Variants in DLG2 observed in about 807,000 individuals in gnomAD.
The protein encoded by DLG2 is discs large MAGUK scaffold protein 2.
A neutral mutation model predicts 132.5 loss-of-function variants in DLG2; 45 were observed. The ratio of observed to expected loss-of-function variants is 0.34; its 90% CI spans 0.27 to 0.44. The LOEUF (loss-of-function observed/expected upper bound fraction) is 0.44, where lower values mean the gene tolerates loss of function less well. Among genes scored for constraint, DLG2 ranks in the 20% least tolerant of loss-of-function variants. The pLI, the probability that DLG2 is intolerant of heterozygous loss-of-function variation, is 1.00. For synonymous variants in DLG2, 424 were observed against 419.6 expected (o/e 1.01, Z -0.13); for missense variants, 1,045 against 1,196.9 (o/e 0.87, Z 1.87).
chr11:84,568,100 T>C (rs1428439475), intron 6 of DLG2, among the ~76,000 whole-genome samples: 2 of 152,182 alleles, frequency 1.3e-5, no homozygotes, highest in Non-Finnish European at 2.9e-5. Context: ...GGAAATGGCA[T>C]GGCTAGACCA....
At chr11:84,511,779 C>A (rs10898251) in intron 7 of DLG2, among the ~76,000 whole-genome samples, 22,115 of 152,078 alleles carry the variant, frequency 0.15, 1,683 homozygotes, top group South Asian at 0.26. Context: ...GATGATAAAA[C>A]TCATTTGGCA....
At chr11:85,093,974 A>C (rs1029825973) in intron 6 of DLG2, among the ~76,000 whole-genome samples, 24 of 152,250 alleles carry the variant, frequency 1.6e-4, no homozygotes, top group Non-Finnish European at 3.2e-4. Context: ...TAGTTCTGCC[A>C]CCATGATGCA....
At chr11:83,619,965 AAATGAG>A (rs1349434708) in intron 19 of DLG2, among the ~76,000 whole-genome samples, 10 of 152,338 alleles carry the variant, frequency 6.6e-5, no homozygotes, top group African/African-American at 2.4e-4. Context: ...AAGTTAATTT[AAATGAG>A]AATTAGATTT....
In DLG2 at chr11:83,673,339, G is replaced by T. The variant is rs75757271; in HGVS notation, c.1826-40014C>A. Among the ~76,000 whole-genome samples the T allele has an allele frequency of 7.4e-3, 1,125 of 152,198 alleles. 10 individuals are homozygous for T. The highest frequency in any genetic ancestry group is 0.025 in the African/African-American group (1,052 of 41,516). ...ACTTTGTCAATAGGCTAAACATTTT[G>T]ACTGTGTTTTATTGCTTTTTCTAAC... On this transcript the variant is annotated intron_variant, in intron 18 of 27. Coordinates refer to ENST00000376104, the MANE Select transcript of DLG2 (RefSeq NM_001142699.3).
At chr11:85,141,186 C>A (rs1056002179) in intron 5 of DLG2, among the ~76,000 whole-genome samples, 1 of 151,856 alleles carries the variant, frequency 6.6e-6, no homozygotes, top group Non-Finnish European at 1.5e-5. Flanking sequence ...CTCCCATAAA[C>A]AGTGTATGAG....
chr11:83,665,309 G>A (rs2075292195), intron 18 of DLG2, among the ~76,000 whole-genome samples: 4 of 152,122 alleles, frequency 2.6e-5, no homozygotes, highest in Admixed American at 2.6e-4. Flanking sequence ...ACTATGCATG[G>A]GTTGCCTTCT....
chr11:84,407,199 C>T (rs1392717083), intron 7 of DLG2, among the ~76,000 whole-genome samples: 2 of 152,158 alleles, frequency 1.3e-5, no homozygotes, highest in African/African-American at 4.8e-5. Context: ...TCAGGCTCCC[C>T]AAACCTGGAA....
intron 3 of DLG2, among the ~76,000 whole-genome samples, chr11:85,388,878 G>A (rs1291137947): frequency 6.6e-6 from 1 of 152,096 alleles, no homozygotes; most frequent in African/African-American, 2.4e-5. Context: ...TCTTCCTTCT[G>A]ACAAAGTCTA....
intron 6 of DLG2, among the ~76,000 whole-genome samples, chr11:84,926,589 G>A (rs758400716): frequency 1.3e-4 from 19 of 151,826 alleles, no homozygotes; most frequent in Non-Finnish European, 1.3e-4. Context: ...GAGAGGTGTG[G>A]GGTGTGGGTG....
chr11:85,331,161 T>C (rs1186897807), intron 3 of DLG2, among the ~76,000 whole-genome samples: 2 of 152,222 alleles, frequency 1.3e-5, no homozygotes, highest in African/African-American at 4.8e-5. Flanking sequence ...GATCTGAACC[T>C]GATTTTGTAG....
chr11:84,217,745 GT>G (rs2096855526), intron 8 of DLG2, among the ~76,000 whole-genome samples: 1 of 152,198 alleles, frequency 6.6e-6, no homozygotes, highest in African/African-American at 2.4e-5. Flanking sequence ...TTCATTGTGA[GT>G]TTTTAAGAGA....
chr11:84,950,947 T>G (rs1020211933), intron 6 of DLG2, among the ~76,000 whole-genome samples: 1 of 152,234 alleles, frequency 6.6e-6, no homozygotes, highest in Admixed American at 6.5e-5. Context: ...ATTATTTACT[T>G]TAAATCTATT....
intron 4 of DLG2, among the ~76,000 whole-genome samples, chr11:85,228,252 C>A (rs76493982): frequency 2.0e-5 from 3 of 151,920 alleles, no homozygotes; most frequent in African/African-American, 7.3e-5. Context: ...TATGATGAGG[C>A]CCCCAGGAAG....
rs200424368 is a variant in DLG2 at position 83,770,345 on chromosome 11, T to TA, written c.1825+16344dup. 1.3e-3 allele frequency among the ~76,000 whole-genome samples: 186 copies of TA among 142,298 alleles called. No homozygotes were observed. The East Asian group carries it at 0.015, about 11-fold the overall frequency. 93.4% of individuals were successfully genotyped at this position (142,298 alleles called of 152,430 possible). On this transcript the variant is annotated intron_variant, in intron 18 of 27. Transcript: ENST00000376104. ...TAAACCAGTTAAAAAGTTCTTTAAT[T>TA]AAAAAAAAAAAGAAAGTAAAGGTGT...
rs575822400 is a variant in DLG2, at chr11:83,814,898, G to A, written c.1722+18716C>T. The A allele has an allele frequency of 1.3e-5, 3 of 223,874 alleles. No homozygotes were observed. The South Asian group carries it at 2.9e-4, about 22-fold the overall frequency. The allele number at this position is 223,874 out of a possible 1,614,324, so 13.9% of individuals were successfully genotyped here. A position where few individuals can be genotyped will look rare whatever the true frequency, so the allele number is the denominator to read the frequency against. ...GCTCTCCAAAGATCCACCCATGGCA[G>A]CTTCCAGAGTGGATTCCAAGCACTT... On this transcript the variant is annotated intron_variant, in intron 17 of 27. Transcript: ENST00000376104.
chr11:84,209,423 A>T (rs2096721121), intron 8 of DLG2, among the ~76,000 whole-genome samples: 1 of 152,204 alleles, frequency 6.6e-6, no homozygotes, highest in South Asian at 2.1e-4. Flanking sequence ...GTATACGTTA[A>T]TAGGAACACT....
intron 6 of DLG2, among the ~76,000 whole-genome samples, chr11:84,771,619 T>C (rs1179360508): frequency 6.6e-6 from 1 of 152,172 alleles, no homozygotes; most frequent in Non-Finnish European, 1.5e-5. Context: ...AACACAATAA[T>C]GGCCTAATAA....
intron 7 of DLG2, among the ~76,000 whole-genome samples, chr11:84,313,043 C>G (rs773540149): frequency 6.6e-6 from 1 of 152,048 alleles, no homozygotes; most frequent in Non-Finnish European, 1.5e-5. Context: ...ATCTCTTGAC[C>G]TCCTGATCCA....
Position 84,080,405 on chromosome 11 carries a change from G to T in DLG2, c.749+18518C>A, listed in dbSNP as rs2096886008. The stretch of plus-strand genomic sequence containing the variant: ...ATAGCTCATATTCTTTTCTAAGTCA[G>T]GTTTGCAAGTTTGATGCTGCACTCT... On this transcript the variant is annotated intron_variant, in intron 10 of 27. Transcript: ENST00000376104. Among the ~76,000 whole-genome samples, 5 of 152,210 alleles carry T rather than the reference G, an allele frequency of 3.3e-5. No homozygotes were observed. The South Asian group carries it at 1.0e-3, about 32-fold the overall frequency.
Sources: allele counts gnomAD v4.1 joint callset (sites outside exome capture counted in the v4.1 genomes callset), GRCh38; gene constraint gnomAD v4.1.1; transcripts MANE v1.5; gene names NCBI Gene and HGNC (gene_info 2026-07-23, HGNC 2026-07-21).